Variants in HACD2 observed in about 807,000 individuals in gnomAD.
HACD2 encodes the protein very-long-chain (3R)-3-hydroxyacyl-CoA dehydratase 2.
Under a neutral mutation model 31.0 loss-of-function variants are expected in HACD2, and 15 were observed. The ratio of observed to expected loss-of-function variants is 0.48; its 90% CI spans 0.32 to 0.75. HACD2 has a LOEUF of 0.75. Among genes scored for constraint, HACD2 ranks in the 30% least tolerant of loss-of-function variants. The pLI is 0.03. For missense variants in HACD2, 283 were observed against 313.0 expected (o/e 0.90, Z 0.72); for synonymous variants, 115 against 122.2 (o/e 0.94, Z 0.39).
intron 6 of HACD2, among the ~76,000 whole-genome samples, chr3:123,495,569 GA>G (rs1051954559): frequency 2.1e-5 from 3 of 143,806 alleles, no homozygotes; most frequent in African/African-American, 7.8e-5. Flanking sequence ...CATTTGCTTT[GA>G]ACACAACTAA....
At chr3:123,539,801 C>CCTGGG (rs761493317) in intron 3 of HACD2, among the ~76,000 whole-genome samples, 3 of 146,918 alleles carry the variant, frequency 2.0e-5, no homozygotes, top group East Asian at 4.1e-4. Flanking sequence ...AGAAATAAAA[C>CCTGGG]CTGGGCTGGG....
In HACD2 at chr3:123,494,278, G is replaced by T. The variant is rs550621679; in HGVS notation, c.*610C>A. ...GACTCAATTGGAAACAAACAAAAGG[G>T]TTCTAAGTTGTTTTCTGATTACAGG... On this transcript the variant is annotated 3_prime_UTR_variant, in exon 7 of 7. Transcript: ENST00000383657. 1 of 153,068 alleles carries T rather than the reference G, an allele frequency of 6.5e-6. No homozygotes were observed. Among genetic ancestry groups the T allele is most frequent in the African/African-American group, 2.4e-5 (1 of 41,548 alleles). 9.5% of individuals were successfully genotyped at this position (153,068 alleles called of 1,614,324 possible).
chr3:123,517,422 AAC>A (rs1366926563), intron 4 of HACD2, among the ~76,000 whole-genome samples: 1 of 152,226 alleles, frequency 6.6e-6, no homozygotes, highest in Non-Finnish European at 1.5e-5. Context: ...ACTCAATTCA[AAC>A]ACAGACACTG....
intron 3 of HACD2, among the ~76,000 whole-genome samples, chr3:123,560,305 C>T (rs1559928710): frequency 1.3e-5 from 2 of 152,184 alleles, no homozygotes; most frequent in Non-Finnish European, 2.9e-5. Context: ...AATATGACCA[C>T]TTATGGTCTT....
chr3:123,562,889 A>C (rs918240107), intron 3 of HACD2, among the ~76,000 whole-genome samples: 4 of 152,372 alleles, frequency 2.6e-5, no homozygotes, highest in Admixed American at 6.5e-5. Context: ...CCATCATTCC[A>C]CAAATAAACT....
chr3:123,559,290 G>T (rs934573761), intron 3 of HACD2, among the ~76,000 whole-genome samples: 6 of 152,206 alleles, frequency 3.9e-5, no homozygotes, highest in African/African-American at 1.2e-4. Context: ...AAAACGTGTT[G>T]TGTGTGTCCT....
chr3:123,543,729 C>T, intron 3 of HACD2: 1 of 395,948 alleles, frequency 2.5e-6, no homozygotes, highest in South Asian at 2.0e-5. Flanking sequence ...ACTGGATATG[C>T]ATACAGACCA....
intron 4 of HACD2, among the ~76,000 whole-genome samples, chr3:123,512,782 TAC>T (rs1489429936): frequency 6.6e-6 from 1 of 152,230 alleles, no homozygotes; most frequent in Non-Finnish European, 1.5e-5. Flanking sequence ...ATGATTTATA[TAC>T]ACACACAGCT....
chr3:123,540,082 TAAAA>T (rs570658977), intron 3 of HACD2, among the ~76,000 whole-genome samples: 1 of 119,562 alleles, frequency 8.4e-6, no homozygotes, highest in African/African-American at 3.1e-5. Flanking sequence ...AGACCCTGTC[TAAAA>T]AAAAAAAAAA....
chr3:123,503,410 A>G (rs2055931183), intron 4 of HACD2, among the ~76,000 whole-genome samples: 1 of 152,120 alleles, frequency 6.6e-6, no homozygotes, highest in Non-Finnish European at 1.5e-5. Context: ...GGCCTGCATT[A>G]ACTCCTCCAT....
In HACD2 at chr3:123,493,225, A is replaced by C. The variant is rs541751405; in HGVS notation, c.*1663T>G. The stretch of plus-strand genomic sequence containing the variant: ...AAAAAAATTAGCTGGGTGTGGTGGC[A>C]GGCACCTGTAGTCCCAGCTACTCAG... On this transcript the variant is annotated 3_prime_UTR_variant, in exon 7 of 7. Transcript: ENST00000383657. 6.6e-6 allele frequency: 1 copy of C among 152,238 alleles called. No homozygotes were observed. 9.4% of individuals were successfully genotyped at this position (152,238 alleles called of 1,614,324 possible). A position where few individuals can be genotyped will look rare whatever the true frequency, so the allele number is the denominator to read the frequency against.
intron 3 of HACD2, among the ~76,000 whole-genome samples, chr3:123,552,557 C>G (rs1051582593): frequency 6.6e-6 from 1 of 152,158 alleles, no homozygotes; most frequent in African/African-American, 2.4e-5. Context: ...CTATACAAAA[C>G]CATTTTCAGG....
chr3:123,512,915 G>T (rs1410646773), intron 4 of HACD2, among the ~76,000 whole-genome samples: 1 of 152,204 alleles, frequency 6.6e-6, no homozygotes, highest in East Asian at 1.9e-4. Context: ...CTCAGTAGCA[G>T]TGAGCACCTC....
chr3:123,558,043 G>T (rs920067849), intron 3 of HACD2, among the ~76,000 whole-genome samples: 1 of 152,218 alleles, frequency 6.6e-6, no homozygotes, highest in African/African-American at 2.4e-5. Flanking sequence ...TACTTTACTA[G>T]GAGAATGGGT....
intron 2 of HACD2, among the ~76,000 whole-genome samples, chr3:123,573,137 G>C (rs1484617860): frequency 6.6e-6 from 1 of 152,058 alleles, no homozygotes; most frequent in Non-Finnish European, 1.5e-5. Flanking sequence ...ACCAATATTT[G>C]ATTTGTTTTA....
chr3:123,557,762 C>T (rs908791384), intron 3 of HACD2, among the ~76,000 whole-genome samples: 3 of 152,182 alleles, frequency 2.0e-5, no homozygotes, highest in African/African-American at 7.2e-5. Flanking sequence ...GGGTCAAAAT[C>T]CAGAGCACTG....
At chr3:123,553,316 G>T (rs1307640474) in intron 3 of HACD2, among the ~76,000 whole-genome samples, 2 of 152,198 alleles carry the variant, frequency 1.3e-5, no homozygotes, top group Non-Finnish European at 2.9e-5. Flanking sequence ...AAAACAAGGT[G>T]ACAATGGAGC....
At chr3:123,573,829 T>C (rs979105602) in intron 2 of HACD2, among the ~76,000 whole-genome samples, 1 of 152,228 alleles carries the variant, frequency 6.6e-6, no homozygotes, top group Non-Finnish European at 1.5e-5. Context: ...ATTATCATTA[T>C]TTTTCCTTTA....
intron 2 of HACD2, among the ~76,000 whole-genome samples, chr3:123,572,330 A>AC (rs1329438357): frequency 4.6e-5 from 7 of 151,998 alleles, no homozygotes; most frequent in Non-Finnish European, 8.8e-5. Context: ...ACACAGTGAG[A>AC]CCCCCAGCTC....
Sources: allele counts gnomAD v4.1 joint callset (sites outside exome capture counted in the v4.1 genomes callset), GRCh38; gene constraint gnomAD v4.1.1; transcripts MANE v1.5; gene names NCBI Gene and HGNC (gene_info 2026-07-23, HGNC 2026-07-21).